ABCA1: variants seen among roughly 807,000 people sequenced by gnomAD.
The protein encoded by ABCA1 is phospholipid-transporting ATPase ABCA1.
A neutral mutation model predicts 262.5 loss-of-function variants in ABCA1; 133 were observed. The observed-to-expected ratio is 0.51, with a 90% CI of 0.44 to 0.59. The LOEUF (loss-of-function observed/expected upper bound fraction) is 0.59. Among genes scored for constraint, ABCA1 ranks in the 20% least tolerant of loss-of-function variants. ABCA1 has a pLI of 0.00. For synonymous variants in ABCA1, 1,022 were observed against 1,043.5 expected (o/e 0.98, Z 0.40); for missense variants, 2,452 against 2,777.5 (o/e 0.88, Z 2.63).
intron 1 of ABCA1, among the ~76,000 whole-genome samples, chr9:104,907,673 G>A (rs1170782066): frequency 6.6e-6 from 1 of 152,184 alleles, no homozygotes; most frequent in African/African-American, 2.4e-5. Context: ...AAGGACTGCT[G>A]AGCTTCCCAG....
chr9:104,814,191 C>A lies in ABCA1; in HGVS notation c.3828G>T (p.Gly1276=), dbSNP rs1235170704. The A allele has an allele frequency of 6.2e-7, 1 of 1,614,218 alleles. No individual in the cohort carries two copies. The highest frequency in any genetic ancestry group is 1.1e-5 in the South Asian group (1 of 91,086). The change falls in exon 27 of 50, where the codon GGG becomes GGT. Residue 1276 remains glycine (G), a synonymous_variant. Coordinates refer to ENST00000374736, the MANE Select transcript of ABCA1 (RefSeq NM_005502.4). ...ACGGGCGAAGACAGCTCTGCTTGTC[C>A]CCGAAGGCCCGCCTGTTTCGTCTTG... The part of the protein sequence containing the change: ...LPARRNRRAF[G]DKQSCLRPFT...
intron 2 of ABCA1, among the ~76,000 whole-genome samples, chr9:104,891,581 T>TCACTGCATGATCACGC (rs1248355872): frequency 6.6e-6 from 1 of 151,334 alleles, no homozygotes; most frequent in African/African-American, 2.4e-5. Flanking sequence ...TGAGCCGAGA[T>TCACTGCATGATCACGC]CACTGCATGA....
At chr9:104,907,020 C>T (rs529784590) in intron 1 of ABCA1, among the ~76,000 whole-genome samples, 3 of 152,300 alleles carry the variant, frequency 2.0e-5, no homozygotes, top group Admixed American at 6.5e-5. Flanking sequence ...CTCTCCCCGA[C>T]TTAAAACCTT....
chr9:104,825,443 G>T (rs1481673581), intron 17 of ABCA1: 4 of 577,144 alleles, frequency 6.9e-6, no homozygotes, highest in Non-Finnish European at 1.2e-5. Flanking sequence ...ATTAAATGAA[G>T]CAATGTGTAT....
At chr9:104,813,656 A>G (rs1470918546) in intron 27 of ABCA1, among the ~76,000 whole-genome samples, 1 of 152,116 alleles carries the variant, frequency 6.6e-6, no homozygotes, top group Non-Finnish European at 1.5e-5. Flanking sequence ...CAGGTGATCT[A>G]CCCACCTCAG....
intron 2 of ABCA1, among the ~76,000 whole-genome samples, chr9:104,894,045 A>G (rs574183618): frequency 5.4e-4 from 83 of 152,342 alleles, no homozygotes; most frequent in Middle Eastern, 3.4e-3. Flanking sequence ...GGTTTGAACA[A>G]GTTACGAGCC....
At chr9:104,872,477 G>A (rs143629490) in intron 5 of ABCA1, among the ~76,000 whole-genome samples, 4 of 152,252 alleles carry the variant, frequency 2.6e-5, no homozygotes, top group East Asian at 3.9e-4. Flanking sequence ...CCGATTCAAC[G>A]TACAACTTTA....
intron 1 of ABCA1, among the ~76,000 whole-genome samples, chr9:104,907,018 G>A (rs78174930): frequency 2.6e-5 from 4 of 151,990 alleles, no homozygotes; most frequent in East Asian, 1.9e-4. Context: ...GCCTCTCCCC[G>A]ACTTAAAACC....
chr9:104,813,447 CTT>C (rs1037192542), intron 27 of ABCA1, among the ~76,000 whole-genome samples: 1 of 152,156 alleles, frequency 6.6e-6, no homozygotes, highest in African/African-American at 2.4e-5. Context: ...AGTTTTCACT[CTT>C]GTTGCCCAGT....
At chr9:104,827,603 A>T (rs1832913578) in intron 15 of ABCA1, among the ~76,000 whole-genome samples, 1 of 152,168 alleles carries the variant, frequency 6.6e-6, no homozygotes, top group South Asian at 2.1e-4. Context: ...ATCACCATGG[A>T]TTCTGCATTC....
intron 7 of ABCA1, among the ~76,000 whole-genome samples, chr9:104,849,269 C>T (rs1403506120): frequency 3.9e-5 from 6 of 152,154 alleles, no homozygotes; most frequent in Non-Finnish European, 8.8e-5. Flanking sequence ...AACATAGGTC[C>T]TTATTAAGTT....
intron 30 of ABCA1, 77 bp from the exon 31 acceptor site, chr9:104,806,507 T>C: frequency 7.0e-7 from 1 of 1,426,440 alleles, no homozygotes; most frequent in Non-Finnish European, 9.8e-7. Context: ...CACAGGATCA[T>C]TCCGTAACAA....
At position 104,806,222 on chromosome 9, in the gene ABCA1, C is replaced by A. The variant is rs1588250658; in HGVS notation, c.4464+19G>T. The A allele has an allele frequency of 1.9e-6, 3 of 1,611,714 alleles. No homozygotes were observed. The highest frequency in any genetic ancestry group is 8.5e-7 in the Non-Finnish European group (1 of 1,179,484). On this transcript the variant is annotated intron_variant, in intron 31 of 49. Transcript: ENST00000374736. ...ATCCTGCACCCCTTCTGCCCAATCA[C>A]CCCCTGAAAGTGACTCACTTGTGGA...
At chr9:104,856,144 A>G in intron 7 of ABCA1, 3 of 1,512,684 alleles carry the variant, frequency 2.0e-6, no homozygotes, top group Non-Finnish European at 2.7e-6. Flanking sequence ...AGGCTGCTTA[A>G]TGCAAATCAA....
chr9:104,785,262 C>T, intron 49 of ABCA1, 134 bp downstream of exon 49: 1 of 1,205,252 alleles, frequency 8.3e-7, no homozygotes, highest in Non-Finnish European at 1.2e-6. Flanking sequence ...TAGTAAAAAG[C>T]ATAGCTAGGA....
intron 33 of ABCA1, 61 bp downstream of exon 33, chr9:104,803,223 C>T: frequency 6.3e-7 from 1 of 1,580,874 alleles, no homozygotes; most frequent in Non-Finnish European, 8.7e-7. Context: ...TTCTTCAATC[C>T]AAGACACCTA....
chr9:104,835,704 G>A (rs147111291), intron 11 of ABCA1, among the ~76,000 whole-genome samples: 3 of 152,186 alleles, frequency 2.0e-5, no homozygotes, highest in Non-Finnish European at 2.9e-5. Context: ...TCCAGCCCCA[G>A]ATCCCTCATT....
chr9:104,896,174 A>G (rs1364155915), intron 2 of ABCA1, among the ~76,000 whole-genome samples: 1 of 152,250 alleles, frequency 6.6e-6, no homozygotes, highest in Non-Finnish European at 1.5e-5. Context: ...TAAGTTAATC[A>G]GAACCAAGGT....
At chr9:104,916,202 A>T (rs1841829390) in intron 1 of ABCA1, among the ~76,000 whole-genome samples, 1 of 152,210 alleles carries the variant, frequency 6.6e-6, no homozygotes, top group South Asian at 2.1e-4. Flanking sequence ...TAAAGTAAAA[A>T]AAAAATAAAA....
Sources: allele counts gnomAD v4.1 joint callset (sites outside exome capture counted in the v4.1 genomes callset), GRCh38; gene constraint gnomAD v4.1.1; transcripts MANE v1.5; gene names NCBI Gene and HGNC (gene_info 2026-07-23, HGNC 2026-07-21).